Variants in PLCL1 observed in about 807,000 individuals in gnomAD.
The protein encoded by PLCL1 is phospholipase C like 1 (inactive).
Under a neutral mutation model 84.4 loss-of-function variants are expected in PLCL1, and 41 were observed. That is an observed-to-expected ratio of 0.49 (90% CI 0.38 to 0.63). The LOEUF (loss-of-function observed/expected upper bound fraction) is 0.63, where lower values mean the gene tolerates loss of function less well. Among genes scored for constraint, PLCL1 ranks in the 30% least tolerant of loss-of-function variants. The pLI, the probability that PLCL1 is intolerant of heterozygous loss-of-function variation, is 0.00. For synonymous variants in PLCL1, 490 were observed against 488.3 expected (o/e 1.00, Z -0.05); for missense variants, 1,206 against 1,367.8 (o/e 0.88, Z 1.87).
chr2:198,131,489 G>C (rs1032550292), intron 5 of PLCL1, among the ~76,000 whole-genome samples: 3 of 152,132 alleles, frequency 2.0e-5, no homozygotes, highest in Non-Finnish European at 1.5e-5. Flanking sequence ...TTAATAAACA[G>C]TAGACATTTA....
intron 1 of PLCL1, among the ~76,000 whole-genome samples, chr2:197,897,959 T>C (rs1688187426): frequency 6.6e-6 from 1 of 152,224 alleles, no homozygotes; most frequent in Admixed American, 6.5e-5. Context: ...CATTAAAAGT[T>C]CTTATGCTAC....
chr2:197,840,254 AGCTCTTTT>A (rs1686969497), intron 1 of PLCL1, among the ~76,000 whole-genome samples: 1 of 152,140 alleles, frequency 6.6e-6, no homozygotes, highest in Non-Finnish European at 1.5e-5. Flanking sequence ...CTTCTATGGA[AGCTCTTTT>A]GCACCCAATT....
intron 1 of PLCL1, among the ~76,000 whole-genome samples, chr2:197,897,095 ACTCCTTCTT>A (rs1688149369): frequency 6.8e-6 from 1 of 148,032 alleles, no homozygotes; most frequent in African/African-American, 2.5e-5. Context: ...TAGAAGTATG[ACTCCTTCTT>A]CTTCTTCTTC....
intron 1 of PLCL1, among the ~76,000 whole-genome samples, chr2:198,077,473 G>T (rs1277689644): frequency 6.6e-6 from 1 of 151,878 alleles, no homozygotes; most frequent in Non-Finnish European, 1.5e-5. Context: ...TTTAGTCTTG[G>T]CTTCTGTGGA....
At chr2:197,973,251 T>C (rs1390305902) in intron 1 of PLCL1, among the ~76,000 whole-genome samples, 1 of 152,170 alleles carries the variant, frequency 6.6e-6, no homozygotes, top group Non-Finnish European at 1.5e-5. Flanking sequence ...TGGCGACTGC[T>C]TACCACCGTC....
rs78238237 is a variant in PLCL1 at position 197,979,336 on chromosome 2, A to G, written c.241-104422A>G. ...GTTTTGGTAGAAAAACATAGCAAAC[A>G]AGATTTTACTAATATCACTAAGTTA... On this transcript the variant is annotated intron_variant, in intron 1 of 5. Coordinates refer to ENST00000428675, the MANE Select transcript of PLCL1 (RefSeq NM_006226.4). 2.2e-3 allele frequency among the ~76,000 whole-genome samples: 339 copies of G among 152,342 alleles called. 18 individuals carry two copies. In the East Asian group the frequency reaches 0.058, roughly 26 times the overall value.
intron 1 of PLCL1, among the ~76,000 whole-genome samples, chr2:197,892,188 C>T (rs1405401394): frequency 1.3e-5 from 2 of 152,134 alleles, no homozygotes; most frequent in African/African-American, 4.8e-5. Flanking sequence ...CTAGTTAAGT[C>T]TTAAGTGTTT....
chr2:198,070,531 A>G (rs1187007398), intron 1 of PLCL1, among the ~76,000 whole-genome samples: 1 of 152,080 alleles, frequency 6.6e-6, no homozygotes, highest in Non-Finnish European at 1.5e-5. Context: ...TATTAGTTCT[A>G]AAATGTAAGA....
chr2:197,805,895 A>C lies in PLCL1; in HGVS notation c.240+556A>C, dbSNP rs1443834187. Among the ~76,000 whole-genome samples, 1 of 152,260 alleles carries C rather than the reference A, an allele frequency of 6.6e-6. No individual in the cohort carries two copies. Among genetic ancestry groups the C allele is most frequent in the African/African-American group, 2.4e-5 (1 of 41,470 alleles). On this transcript the variant is annotated intron_variant, in intron 1 of 5. Transcript: ENST00000428675. This position sits in a 1 kb window ranked among gnomAD's most constrained non-coding sequence, Gnocchi z 4.0. ...AGCCCAGAGTTTTTGCGCTGCAGAA[A>C]GCACAACCGGAAAGCAATCAATCCC...
intron 1 of PLCL1, among the ~76,000 whole-genome samples, chr2:198,020,509 C>T (rs1206643469): frequency 6.7e-6 from 1 of 149,002 alleles, no homozygotes; most frequent in Non-Finnish European, 1.5e-5. Flanking sequence ...TGTGCAAAGA[C>T]ACACATGGCT....
At position 197,804,942 on chromosome 2, in the gene PLCL1, T is replaced by TGCCGCCGCCGCC. The variant is rs3056066; in HGVS notation, c.-145_-134dup. On this transcript the variant is annotated 5_prime_UTR_variant, in exon 1 of 6. Coordinates refer to ENST00000428675, the MANE Select transcript of PLCL1 (RefSeq NM_006226.4). ...GAGCGATGTCCCCTCTCCAGAAAGT[T>TGCCGCCGCCGCC]GCCGCCGCCGCCGCCGCCGCCGCCA... is the stretch of plus-strand genomic sequence containing the variant. 505 of 733,154 alleles carry TGCCGCCGCCGCC rather than the reference T, an allele frequency of 6.9e-4. 8 individuals are homozygous for TGCCGCCGCCGCC. Among genetic ancestry groups the TGCCGCCGCCGCC allele is most frequent in the South Asian group, 6.6e-3 (325 of 49,138 alleles). The allele number at this position is 733,154 out of a possible 1,614,324, so 45.4% of individuals were successfully genotyped here. A position where few individuals can be genotyped will look rare whatever the true frequency, so the allele number is the denominator to read the frequency against.
chr2:198,089,688 T>C (rs890580040), intron 3 of PLCL1, among the ~76,000 whole-genome samples: 7 of 152,164 alleles, frequency 4.6e-5, no homozygotes, highest in Admixed American at 1.3e-4. Context: ...GAAAATATCA[T>C]TTCAAGGGGC....
chr2:197,957,966 A>G (rs755476197), intron 1 of PLCL1, among the ~76,000 whole-genome samples: 1 of 152,106 alleles, frequency 6.6e-6, no homozygotes, highest in Non-Finnish European at 1.5e-5. Flanking sequence ...AATCTTGACA[A>G]AATCAAATGC....
chr2:198,040,950 C>G (rs924796111), intron 1 of PLCL1, among the ~76,000 whole-genome samples: 1 of 152,112 alleles, frequency 6.6e-6, no homozygotes, highest in Non-Finnish European at 1.5e-5. Flanking sequence ...GGGCAACAAG[C>G]GAATCACAAG....
intron 1 of PLCL1, among the ~76,000 whole-genome samples, chr2:198,029,960 A>C (rs1284920074): frequency 6.6e-6 from 1 of 151,880 alleles, no homozygotes; most frequent in African/African-American, 2.4e-5. Context: ...TCAGCCTCCC[A>C]AAGTGCTGGA....
chr2:198,046,696 C>T (rs972697141), intron 1 of PLCL1, among the ~76,000 whole-genome samples: 11 of 151,818 alleles, frequency 7.2e-5, no homozygotes, highest in Non-Finnish European at 1.3e-4. Flanking sequence ...AAAATTAGCC[C>T]GGTATGGTGG....
At chr2:198,138,240 A>G (rs550159707) in intron 5 of PLCL1, among the ~76,000 whole-genome samples, 1 of 152,304 alleles carries the variant, frequency 6.6e-6, no homozygotes, top group African/African-American at 2.4e-5. Flanking sequence ...GGGAGGCCTC[A>G]GTGAACTTAC....
intron 1 of PLCL1, among the ~76,000 whole-genome samples, chr2:197,832,725 C>T (rs991274606): frequency 6.6e-6 from 1 of 152,186 alleles, no homozygotes; most frequent in African/African-American, 2.4e-5. Context: ...GCCAGTATAC[C>T]TGATGAACAT....
chr2:197,986,358 AATT>A (rs1484816873), intron 1 of PLCL1, among the ~76,000 whole-genome samples: 11 of 152,060 alleles, frequency 7.2e-5, no homozygotes, highest in Non-Finnish European at 1.3e-4. Flanking sequence ...CATTTTTAAA[AATT>A]ATTATTTTAG....
Sources: allele counts gnomAD v4.1 joint callset (sites outside exome capture counted in the v4.1 genomes callset), GRCh38; gene constraint gnomAD v4.1.1; non-coding constraint Gnocchi (gnomAD v3.1); transcripts MANE v1.5; gene names NCBI Gene and HGNC (gene_info 2026-07-23, HGNC 2026-07-21).